The following FAM78B variants were observed in gnomAD, a reference collection of about 807,000 sequenced individuals.
The protein encoded by FAM78B is family with sequence similarity 78 member B, also known as protein FAM78B.
Under a neutral mutation model 20.0 loss-of-function variants are expected in FAM78B, and 10 were observed. The observed-to-expected ratio is 0.50, with a 90% CI of 0.31 to 0.85. The LOEUF is 0.85. Ranked by LOEUF, FAM78B falls within the 40% of genes least tolerant of loss-of-function variation. FAM78B has a pLI of 0.05. For missense variants in FAM78B, 283 were observed against 345.0 expected, an observed-to-expected ratio of 0.82 and a Z score of 1.42; for synonymous variants, 135 against 132.8, an observed-to-expected ratio of 1.02 and a Z score of -0.12.
intron 1 of FAM78B, among the ~76,000 whole-genome samples, chr1:166,082,441 A>T (rs1175344595): frequency 6.6e-6 from 1 of 152,148 alleles, no homozygotes; most frequent in African/African-American, 2.4e-5. Flanking sequence ...CCTAGGCTCA[A>T]ATGATCTTCC....
intron 1 of FAM78B, among the ~76,000 whole-genome samples, chr1:166,109,146 A>G (rs1653898832): frequency 6.6e-6 from 1 of 152,226 alleles, no homozygotes; most frequent in Non-Finnish European, 1.5e-5. Context: ...GACAAAAACA[A>G]AGATAAATAG....
At chr1:166,121,957 C>T (rs774600635) in intron 1 of FAM78B, among the ~76,000 whole-genome samples, 6 of 152,190 alleles carry the variant, frequency 3.9e-5, no homozygotes, top group Non-Finnish European at 8.8e-5. Flanking sequence ...AACTCCCAAC[C>T]AGGCACTACG....
At chr1:166,144,318 G>C (rs1332190056) in intron 1 of FAM78B, among the ~76,000 whole-genome samples, 1 of 152,190 alleles carries the variant, frequency 6.6e-6, no homozygotes, top group Non-Finnish European at 1.5e-5. Context: ...AAATGGGCCC[G>C]ATTTTCCTTA....
intron 1 of FAM78B, among the ~76,000 whole-genome samples, chr1:166,088,041 C>G (rs780873434): frequency 6.6e-6 from 1 of 152,112 alleles, no homozygotes; most frequent in African/African-American, 2.4e-5. Flanking sequence ...CCTGCCCCAA[C>G]GCAAAGCCCA....
chr1:166,154,088 T>G (rs543850340), intron 1 of FAM78B, among the ~76,000 whole-genome samples: 1 of 152,360 alleles, frequency 6.6e-6, no homozygotes, highest in Admixed American at 6.5e-5. Flanking sequence ...CTCCCATCTG[T>G]TCTGCTCCAC....
intron 1 of FAM78B, among the ~76,000 whole-genome samples, chr1:166,139,183 G>A (rs1169258248): frequency 6.6e-6 from 1 of 152,172 alleles, no homozygotes; most frequent in Non-Finnish European, 1.5e-5. Context: ...AGAAGGGGAA[G>A]CCTAGACTCA....
At chr1:166,152,502 C>A (rs1280000030) in intron 1 of FAM78B, among the ~76,000 whole-genome samples, 1 of 152,054 alleles carries the variant, frequency 6.6e-6, no homozygotes, top group Non-Finnish European at 1.5e-5. Flanking sequence ...AGAGGACAAC[C>A]ATGTGCTTAA....
intron 1 of FAM78B, among the ~76,000 whole-genome samples, chr1:166,152,655 G>GATTGATTT (rs369101683): frequency 0.011 from 1,610 of 140,574 alleles, 29 homozygotes; most frequent in African/African-American, 0.043. Context: ...TGGTACTCTG[G>GATTGATTT]ATTTATTTAT....
At chr1:166,122,315 G>T (rs988273966) in intron 1 of FAM78B, among the ~76,000 whole-genome samples, 5 of 152,138 alleles carry the variant, frequency 3.3e-5, no homozygotes, top group African/African-American at 1.2e-4. Context: ...GATGAGTAGG[G>T]TTTCTAACAG....
At chr1:166,113,826 C>G (rs956783609) in intron 1 of FAM78B, among the ~76,000 whole-genome samples, 1 of 152,182 alleles carries the variant, frequency 6.6e-6, no homozygotes, top group African/African-American at 2.4e-5. Context: ...ACCTCTGAGA[C>G]CAACAGGCCT....
At chr1:166,086,916 A>T (rs1652853163) in intron 1 of FAM78B, among the ~76,000 whole-genome samples, 1 of 152,132 alleles carries the variant, frequency 6.6e-6, no homozygotes, top group African/African-American at 2.4e-5. Context: ...GGATGCCTAA[A>T]TGTTCCCCCA....
chr1:166,060,290 G>A (rs1651534214), exon 3 of FAM78B: 1 of 276,362 alleles, frequency 3.6e-6, no homozygotes, highest in African/African-American at 2.2e-5. Context: ...AGTCCAGGCT[G>A]ACCAGCTCTT....
Position 166,096,998 on chromosome 1 carries a change from G to A in FAM78B, c.264-26235C>T, listed in dbSNP as rs565155984. On this transcript the variant is annotated intron_variant, in intron 1 of 1. Coordinates refer to ENST00000354422, the MANE Select transcript of FAM78B (RefSeq NM_001017961.5). ...GACGCACAGACCCTCTGAAGGAAGC[G>A]GACTGCTCCTGCACGACCCAGGAGA... Among the ~76,000 whole-genome samples the A allele has an allele frequency of 2.2e-4, 34 of 152,244 alleles. 1 individual carries two copies. The highest frequency in any genetic ancestry group is 6.3e-4 in the African/African-American group (26 of 41,544).
chr1:166,066,089 G>T (rs961619228), downstream of FAM78B, among the ~76,000 whole-genome samples: 1 of 152,204 alleles, frequency 6.6e-6, no homozygotes, highest in Non-Finnish European at 1.5e-5. Flanking sequence ...GGCTGCTCCT[G>T]CCATGTTGAG....
intron 1 of FAM78B, among the ~76,000 whole-genome samples, chr1:166,125,422 C>T (rs1430549626): frequency 6.6e-6 from 1 of 152,140 alleles, no homozygotes; most frequent in East Asian, 1.9e-4. Context: ...ATCATTATGG[C>T]CAGTCATTAA....
At chr1:166,094,673 T>C (rs1366008365) in intron 1 of FAM78B, among the ~76,000 whole-genome samples, 1 of 152,248 alleles carries the variant, frequency 6.6e-6, no homozygotes, top group African/African-American at 2.4e-5. Flanking sequence ...GTGAATATTC[T>C]GACCCTATAT....
intron 1 of FAM78B, among the ~76,000 whole-genome samples, chr1:166,129,357 T>C (rs889378838): frequency 6.6e-6 from 1 of 152,250 alleles, no homozygotes; most frequent in East Asian, 1.9e-4. Context: ...AGCCCCAGGC[T>C]GAGTTGCTTT....
At chr1:166,112,195 C>A (rs1338394769) in intron 1 of FAM78B, among the ~76,000 whole-genome samples, 1 of 152,222 alleles carries the variant, frequency 6.6e-6, no homozygotes, top group African/African-American at 2.4e-5. Context: ...GATTAGCCTT[C>A]TTACTTATTT....
At chr1:166,061,864 G>A (rs930343089) in intron 2 of FAM78B, among the ~76,000 whole-genome samples, 1 of 152,228 alleles carries the variant, frequency 6.6e-6, no homozygotes, top group Non-Finnish European at 1.5e-5. Context: ...GGTTGCACGT[G>A]TGCAGAGGCC....
Sources: gnomAD v4.1 joint callset for allele counts (sites outside exome capture counted in the v4.1 genomes callset) on GRCh38, gnomAD v4.1.1 for gene constraint, MANE v1.5 for transcripts, NCBI Gene and HGNC (gene_info 2026-07-23, HGNC 2026-07-21) for gene names.